The following ZNF236 variants were observed in gnomAD, a reference collection of about 807,000 sequenced individuals.
ZNF236 encodes regulated by glucose.
In ZNF236, 50 loss-of-function variants were observed where a neutral mutation model predicts 191.2. The observed-to-expected ratio is 0.26, with a 90% CI of 0.21 to 0.33. ZNF236 has a LOEUF of 0.33. Ranked by LOEUF, ZNF236 falls within the 10% of genes least tolerant of loss-of-function variation. The pLI is 1.00. For missense variants in ZNF236, 1,754 were observed against 2,374.5 expected (o/e 0.74, Z 5.43); for synonymous variants, 907 against 928.8 (o/e 0.98, Z 0.43).
intron 1 of ZNF236, among the ~76,000 whole-genome samples, chr18:76,836,208 TAC>T (rs1358151998): frequency 6.6e-6 from 1 of 152,070 alleles, no homozygotes; most frequent in Non-Finnish European, 1.5e-5. Context: ...GCCTGGCCTA[TAC>T]AGTCTTTATA....
chr18:76,947,278 C>T (rs529964373), intron 26 of ZNF236, among the ~76,000 whole-genome samples: 6 of 152,170 alleles, frequency 3.9e-5, no homozygotes, highest in Admixed American at 3.3e-4. Context: ...GTGCATTTAT[C>T]GGTTGATGGG....
intron 1 of ZNF236, among the ~76,000 whole-genome samples, chr18:76,836,939 A>G (rs994067992): frequency 1.3e-5 from 2 of 151,800 alleles, no homozygotes; most frequent in African/African-American, 4.8e-5. Context: ...TCAGTGGTGC[A>G]GTCTTGGCTC....
intron 1 of ZNF236, among the ~76,000 whole-genome samples, chr18:76,830,193 T>C (rs940042691): frequency 1.3e-5 from 2 of 152,222 alleles, no homozygotes; most frequent in Non-Finnish European, 2.9e-5. Flanking sequence ...TTGAACTAAA[T>C]TGAATTTATA....
chr18:76,827,980 C>A (rs980131410), intron 1 of ZNF236, among the ~76,000 whole-genome samples: 1 of 151,736 alleles, frequency 6.6e-6, no homozygotes, highest in African/African-American at 2.4e-5. Context: ...TTTCTTTTTC[C>A]TTTTGGAGGG....
chr18:76,854,617 G>T (rs1975992006), intron 3 of ZNF236, among the ~76,000 whole-genome samples: 1 of 150,362 alleles, frequency 6.7e-6, no homozygotes, highest in Admixed American at 6.6e-5. Context: ...TCTGGATTTA[G>T]CATAGTAAAA....
intron 20 of ZNF236, among the ~76,000 whole-genome samples, chr18:76,922,626 G>A (rs992423058): frequency 6.6e-6 from 1 of 151,474 alleles, no homozygotes; most frequent in Non-Finnish European, 1.5e-5. Context: ...GTGTGATCAC[G>A]GCTCACTGCA....
At chr18:76,948,542 T>C (rs1158441906) in intron 27 of ZNF236, among the ~76,000 whole-genome samples, 1 of 152,122 alleles carries the variant, frequency 6.6e-6, no homozygotes, top group African/African-American at 2.4e-5. Context: ...ATACTTGTGG[T>C]TACAATGGAA....
chr18:76,825,597 A>G (rs972867420), intron 1 of ZNF236, among the ~76,000 whole-genome samples: 14 of 142,154 alleles, frequency 9.8e-5, no homozygotes, highest in Admixed American at 7.2e-4. Context: ...TGTAAAAATG[A>G]AAACCATTCT....
chr18:76,908,692 G>T lies in ZNF236; in HGVS notation c.2551+119G>T, dbSNP rs1432744146. On this transcript the variant is annotated intron_variant, in intron 14 of 30. Coordinates refer to ENST00000320610, the MANE Select transcript of ZNF236 (RefSeq NM_001306089.2). ...ACTTTTAAAACAATTTGTGCTGTAT[G>T]TGAAAGAGATTGAATTGAGTATTTG... is the stretch of plus-strand genomic sequence containing the variant. The T allele has an allele frequency of 6.1e-6, 8 of 1,312,012 alleles. No individual in the cohort carries two copies. The South Asian group carries it at 7.3e-5, about 12-fold the overall frequency. 81.3% of individuals were successfully genotyped at this position (1,312,012 alleles called of 1,614,324 possible).
chr18:76,913,459 C>T (rs1355179893), intron 17 of ZNF236, among the ~76,000 whole-genome samples: 1 of 152,148 alleles, frequency 6.6e-6, no homozygotes, highest in African/African-American at 2.4e-5. Context: ...TCTAATTAAT[C>T]AAATATTATG....
At chr18:76,828,289 C>T (rs1183538469) in intron 1 of ZNF236, among the ~76,000 whole-genome samples, 1 of 151,858 alleles carries the variant, frequency 6.6e-6, no homozygotes, top group Non-Finnish European at 1.5e-5. Flanking sequence ...ACCTCAGCCT[C>T]CTGGGTAGGT....
chr18:76,855,330 A>G (rs905209568), intron 3 of ZNF236, among the ~76,000 whole-genome samples: 19 of 152,258 alleles, frequency 1.2e-4, no homozygotes, highest in Admixed American at 1.1e-3. Flanking sequence ...AGAGAAGGCT[A>G]TAGAGAGCAA....
intron 25 of ZNF236, among the ~76,000 whole-genome samples, chr18:76,929,071 C>T (rs1225187342): frequency 6.7e-6 from 1 of 148,564 alleles, no homozygotes; most frequent in East Asian, 2.0e-4. Context: ...TCTAGATGGA[C>T]TCAACCATGA....
chr18:76,900,763 A>G (rs766585006), intron 11 of ZNF236, among the ~76,000 whole-genome samples: 1 of 152,234 alleles, frequency 6.6e-6, no homozygotes, highest in Admixed American at 6.5e-5. Context: ...AACTAAAAAA[A>G]CTAGGAAAAT....
At chr18:76,947,883 T>A (rs1012610908) in intron 27 of ZNF236, among the ~76,000 whole-genome samples, 3 of 151,964 alleles carry the variant, frequency 2.0e-5, no homozygotes, top group African/African-American at 7.3e-5. Context: ...GGGAGTGAGG[T>A]TTTAATACCA....
In ZNF236 at chr18:76,879,534, C is replaced by T. The variant is rs149604015; in HGVS notation, c.985-579C>T. 2.8e-3 allele frequency among the ~76,000 whole-genome samples: 424 copies of T among 152,234 alleles called. 1 individual carries two copies. Among genetic ancestry groups the T allele is most frequent in the Middle Eastern group, 0.017 (5 of 294 alleles). On this transcript the variant is annotated intron_variant, in intron 7 of 30. Coordinates refer to ENST00000320610, the MANE Select transcript of ZNF236 (RefSeq NM_001306089.2). ...CAAAGGTAGAGTGTCCTGTCCACAC[C>T]CTCACAGTGTCGTATGGGTAGTTTC...
chr18:76,866,770 G>A (rs1433836102), intron 3 of ZNF236, among the ~76,000 whole-genome samples: 1 of 152,152 alleles, frequency 6.6e-6, no homozygotes, highest in Non-Finnish European at 1.5e-5. Flanking sequence ...GACTATACAT[G>A]GGGTGTTGTT....
chr18:76,951,074 G>C (rs9949086), intron 27 of ZNF236, among the ~76,000 whole-genome samples: 4,743 of 152,290 alleles, frequency 0.031, 243 homozygotes, highest in African/African-American at 0.11. Flanking sequence ...AAACAGACGT[G>C]CTGTCATTCA....
intron 3 of ZNF236, among the ~76,000 whole-genome samples, chr18:76,854,543 C>T (rs1225897861): frequency 6.8e-6 from 1 of 146,026 alleles, no homozygotes; most frequent in Non-Finnish European, 1.5e-5. Flanking sequence ...CACTTGAGCT[C>T]AGGAGTTTGA....
Sources: allele counts gnomAD v4.1 joint callset (sites outside exome capture counted in the v4.1 genomes callset), GRCh38; gene constraint gnomAD v4.1.1; transcripts MANE v1.5; gene names NCBI Gene and HGNC (gene_info 2026-07-23, HGNC 2026-07-21).